SLIT2: variants seen among roughly 807,000 people sequenced by gnomAD.
SLIT2 encodes slit guidance ligand 2.
In SLIT2, 41 loss-of-function variants were observed where a neutral mutation model predicts 185.7. The ratio of observed to expected loss-of-function variants is 0.22; its 90% confidence interval spans 0.17 to 0.29. The LOEUF is 0.29. SLIT2 is among the 10% of genes least tolerant of loss of function. The pLI is 1.00. For missense variants in SLIT2, 1,571 were observed against 1,909.0 expected (o/e 0.82, Z 3.30); for synonymous variants, 693 against 680.2 (o/e 1.02, Z -0.29).
chr4:20,328,326 G>C (rs763142296), intron 4 of SLIT2, among the ~76,000 whole-genome samples: 2 of 151,934 alleles, frequency 1.3e-5, no homozygotes, highest in Non-Finnish European at 2.9e-5. Flanking sequence ...ATTCTTAGAG[G>C]ATTTATCTTT....
intron 4 of SLIT2, among the ~76,000 whole-genome samples, chr4:20,408,889 T>C (rs1726978788): frequency 1.3e-5 from 2 of 152,258 alleles, no homozygotes; most frequent in Admixed American, 6.5e-5. Flanking sequence ...AATATGTAAA[T>C]GGAAAGAAAG....
At chr4:20,600,679 T>G (rs1728344408) in intron 33 of SLIT2, among the ~76,000 whole-genome samples, 1 of 152,028 alleles carries the variant, frequency 6.6e-6, no homozygotes, top group African/African-American at 2.4e-5. Context: ...CATTTCATAT[T>G]CTTTATTAGA....
At chr4:20,334,217 G>A (rs1372869115) in intron 4 of SLIT2, among the ~76,000 whole-genome samples, 1 of 152,122 alleles carries the variant, frequency 6.6e-6, no homozygotes, top group African/African-American at 2.4e-5. Context: ...CACAATCGTG[G>A]TAATATGTAA....
chr4:20,531,977 T>A lies in SLIT2; in HGVS notation c.1614-7T>A, dbSNP rs188610560. ...TAAAACTTCTCTATTCCTTCTTTTT[T>A]CTTCAGGCGTCTCAATAATAATGAA... On this transcript the variant is annotated splice_polypyrimidine_tract_variant and splice_region_variant and intron_variant, in intron 16 of 36. Transcript: ENST00000504154. 44 of 1,546,142 alleles carry A rather than the reference T, an allele frequency of 2.8e-5. No homozygotes were observed. The African/African-American group carries it at 5.4e-4, about 19-fold the overall frequency.
At chr4:20,348,464 G>A (rs1721610870) in intron 4 of SLIT2, among the ~76,000 whole-genome samples, 1 of 151,424 alleles carries the variant, frequency 6.6e-6, no homozygotes, top group African/African-American at 2.4e-5. Flanking sequence ...GCCAGGGCTG[G>A]TCTGGAACTC....
chr4:20,390,535 G>A (rs73238780), intron 4 of SLIT2, among the ~76,000 whole-genome samples: 32,621 of 151,892 alleles, frequency 0.21, 3,790 homozygotes, highest in Non-Finnish European at 0.27. Context: ...GAGTTGAAAC[G>A]TCATTTGAAA....
At chr4:20,612,258 A>T (rs1296033382) in intron 34 of SLIT2, among the ~76,000 whole-genome samples, 1 of 151,760 alleles carries the variant, frequency 6.6e-6, no homozygotes, top group Non-Finnish European at 1.5e-5. Flanking sequence ...AAAAAAAAAA[A>T]AAAAGAATAC....
chr4:20,611,118 GATAA>G (rs1397781866), intron 34 of SLIT2, among the ~76,000 whole-genome samples: 1 of 152,182 alleles, frequency 6.6e-6, no homozygotes, highest in Non-Finnish European at 1.5e-5. Flanking sequence ...TTATTTTACA[GATAA>G]ATAAGTAAAA....
intron 4 of SLIT2, among the ~76,000 whole-genome samples, chr4:20,457,756 C>T (rs76743584): frequency 2.0e-5 from 3 of 152,130 alleles, no homozygotes; most frequent in East Asian, 3.9e-4. Flanking sequence ...TAAGTGTGTT[C>T]GGCACATACT....
In SLIT2 at chr4:20,253,036, C is replaced by A. The variant is rs1343138811; in HGVS notation, c.-780C>A. On this transcript the variant is annotated 5_prime_UTR_variant, in exon 1 of 37. Coordinates refer to ENST00000504154, the MANE Select transcript of SLIT2 (RefSeq NM_004787.4). ...CCTCGGGGCAGGTCCTGGTGCAGAGCGTCGCCAAGGACGCCGAGCGGGAGG... is the reference window on the plus strand; with the variant it reads ...CCTCGGGGCAGGTCCTGGTGCAGAGAGTCGCCAAGGACGCCGAGCGGGAGG... Among the ~76,000 whole-genome samples, 1 of 152,190 alleles carries A rather than the reference C, an allele frequency of 6.6e-6. No homozygotes were observed. The highest frequency in any genetic ancestry group is 1.5e-5 in the Non-Finnish European group (1 of 68,032).
intron 4 of SLIT2, among the ~76,000 whole-genome samples, chr4:20,358,613 C>T (rs142406393): frequency 1.4e-4 from 21 of 152,048 alleles, no homozygotes; most frequent in Non-Finnish European, 2.9e-4. Flanking sequence ...TCACTTAATC[C>T]GAGGAACCAC....
chr4:20,325,264 A>G (rs577274669), intron 4 of SLIT2, among the ~76,000 whole-genome samples: 45 of 151,904 alleles, frequency 3.0e-4, no homozygotes, highest in African/African-American at 1.0e-3. Context: ...TAAACCCAGT[A>G]AGAATACTCA....
chr4:20,583,458 G>A (rs1338582579), intron 29 of SLIT2, among the ~76,000 whole-genome samples: 1 of 152,208 alleles, frequency 6.6e-6, no homozygotes, highest in East Asian at 1.9e-4. Flanking sequence ...TAGGAAGGAA[G>A]TAGAAATGAA....
At chr4:20,302,880 C>G (rs1717185313) in intron 4 of SLIT2, among the ~76,000 whole-genome samples, 2 of 152,126 alleles carry the variant, frequency 1.3e-5, no homozygotes, top group African/African-American at 4.8e-5. Context: ...TGACGTGGAA[C>G]TTTCATGATA....
In SLIT2 at chr4:20,253,443, C is replaced by T. The variant is rs1031027600; in HGVS notation, c.-373C>T. The T allele has an allele frequency of 7.4e-6, 2 of 268,790 alleles. No individual in the cohort carries two copies. Among genetic ancestry groups the T allele is most frequent in the African/African-American group, 2.2e-5 (1 of 45,596 alleles). 16.7% of individuals were successfully genotyped at this position (268,790 alleles called of 1,614,324 possible). ...ACCGCCCTCCCCACAACAACCGGCCCCTGCATCTTAGCAGCCGTTGGAAGC... is the reference window on the plus strand; with the variant it reads ...ACCGCCCTCCCCACAACAACCGGCCTCTGCATCTTAGCAGCCGTTGGAAGC... On this transcript the variant is annotated 5_prime_UTR_variant, in exon 1 of 37. Coordinates refer to ENST00000504154, the MANE Select transcript of SLIT2 (RefSeq NM_004787.4).
At chr4:20,562,899 G>A (rs1431483234) in intron 26 of SLIT2, among the ~76,000 whole-genome samples, 3 of 151,678 alleles carry the variant, frequency 2.0e-5, no homozygotes, top group East Asian at 1.9e-4. Context: ...ATGTTTCCAA[G>A]GGATGCCAGA....
At chr4:20,555,717 C>T (rs909386126) in intron 26 of SLIT2, among the ~76,000 whole-genome samples, 25 of 151,916 alleles carry the variant, frequency 1.6e-4, no homozygotes, top group Non-Finnish European at 2.8e-4. Context: ...AGGTAATTTG[C>T]ACCACATTGT....
At position 20,487,351 on chromosome 4, in the gene SLIT2, C is replaced by A. The variant is rs10516356; in HGVS notation, c.611+1080C>A. ...CCTAGTTCACTCAAAACTATAATTT[C>A]CCAGTAACTTCAGGTATTTTTTTTA... On this transcript the variant is annotated intron_variant, in intron 7 of 36. Transcript: ENST00000504154. Among the ~76,000 whole-genome samples the A allele has an allele frequency of 8.7e-3, 1,326 of 152,188 alleles. 14 individuals carry two copies. The highest frequency in any genetic ancestry group is 0.029 in the African/African-American group (1,202 of 41,522).
In SLIT2 at chr4:20,474,521, G is replaced by C. The variant is rs79845195; in HGVS notation, c.468-6195G>C. On this transcript the variant is annotated intron_variant, in intron 5 of 36. Transcript: ENST00000504154. ...AATCTAACAATATTTCTTCATAAATGCCTTCTAGAACAAAACAAAATAACA... is the reference window on the plus strand; with the variant it reads ...AATCTAACAATATTTCTTCATAAATCCCTTCTAGAACAAAACAAAATAACA... 8.0e-3 allele frequency among the ~76,000 whole-genome samples: 1,212 copies of C among 152,038 alleles called. 9 individuals carry two copies. The highest frequency in any genetic ancestry group is 0.011 in the South Asian group (52 of 4,826).
Sources: allele counts gnomAD v4.1 joint callset (sites outside exome capture counted in the v4.1 genomes callset), GRCh38; gene constraint gnomAD v4.1.1; transcripts MANE v1.5; gene names NCBI Gene and HGNC (gene_info 2026-07-23, HGNC 2026-07-21).